Variants in DLG1 observed in about 807,000 individuals in gnomAD.
The protein encoded by DLG1 is discs large MAGUK scaffold protein 1.
Under a neutral mutation model 123.4 loss-of-function variants are expected in DLG1, and 42 were observed. The ratio of observed to expected loss-of-function variants is 0.34; its 90% CI spans 0.27 to 0.44. DLG1 has a LOEUF of 0.44. Among genes scored for constraint, DLG1 ranks in the 20% least tolerant of loss-of-function variants. DLG1 has a pLI of 1.00. For synonymous variants in DLG1, 317 were observed against 356.2 expected (o/e 0.89, Z 1.24); for missense variants, 942 against 1,082.6 (o/e 0.87, Z 1.82).
intron 4 of DLG1, among the ~76,000 whole-genome samples, chr3:197,256,474 C>T (rs767588394): frequency 2.0e-5 from 3 of 152,228 alleles, no homozygotes; most frequent in Non-Finnish European, 4.4e-5. Context: ...TCTTTAAAAC[C>T]GTCTCTTCTA....
At chr3:197,273,231 T>C (rs893068419) in intron 4 of DLG1, among the ~76,000 whole-genome samples, 2 of 150,848 alleles carry the variant, frequency 1.3e-5, no homozygotes, top group African/African-American at 4.9e-5. Flanking sequence ...TATATATATA[T>C]ATTTTTTTCT....
chr3:197,121,681 G>T (rs1389824018), intron 11 of DLG1, among the ~76,000 whole-genome samples: 1 of 151,408 alleles, frequency 6.6e-6, no homozygotes, highest in Non-Finnish European at 1.5e-5. Flanking sequence ...TAACTTCTAT[G>T]ATCTTCCCTA....
intron 8 of DLG1, 102 bp downstream of exon 8, chr3:197,140,038 A>G (rs1787199978): frequency 1.5e-6 from 2 of 1,320,982 alleles, no homozygotes; most frequent in East Asian, 2.3e-5. Context: ...TATGCTAGTT[A>G]TCATGATCGT....
chr3:197,097,580 C>CTTT (rs3051908), intron 14 of DLG1, among the ~76,000 whole-genome samples: 1,671 of 122,764 alleles, frequency 0.014, 99 homozygotes, highest in Admixed American at 0.094. Flanking sequence ...TTTGTACTTT[C>CTTT]TTTTTTTTTT....
chr3:197,276,867 A>C (rs1766679089), intron 4 of DLG1, among the ~76,000 whole-genome samples: 1 of 151,892 alleles, frequency 6.6e-6, no homozygotes, highest in African/African-American at 2.4e-5. Flanking sequence ...TAAAAATCAA[A>C]ATTTTTATTT....
intron 4 of DLG1, among the ~76,000 whole-genome samples, chr3:197,259,166 TAG>T (rs992733172): frequency 6.6e-6 from 1 of 152,054 alleles, no homozygotes; most frequent in African/African-American, 2.4e-5. Flanking sequence ...GAAAAAAATT[TAG>T]AGAGGGAAAA....
chr3:197,180,039 C>T (rs952629555), intron 5 of DLG1, among the ~76,000 whole-genome samples: 5 of 120,382 alleles, frequency 4.2e-5, no homozygotes, highest in African/African-American at 1.3e-4. Flanking sequence ...CTGCTCTCAG[C>T]TTAATTTGGC....
At position 197,278,904 on chromosome 3, in the gene DLG1, T is replaced by C. The variant is rs148528508; in HGVS notation, c.318+3775A>G. 5.1e-4 allele frequency among the ~76,000 whole-genome samples: 77 copies of C among 152,354 alleles called. No individual in the cohort carries two copies. In the East Asian group the frequency reaches 9.6e-3, roughly 19 times the overall value. ...GCAAACATGAAGTCAAAGAGGCATG[T>C]TGCATGCAATTTTGTTGGAAAAGAT... On this transcript the variant is annotated intron_variant, in intron 4 of 24. Transcript: ENST00000667157.
rs1354664624 is a variant in DLG1 at position 197,208,295 on chromosome 3, T to A, written c.319-13706A>T. 1.4e-5 allele frequency among the ~76,000 whole-genome samples: 2 copies of A among 146,752 alleles called. 1 individual carries two copies. The highest frequency in any genetic ancestry group is 4.9e-5 in the African/African-American group (2 of 41,200). On this transcript the variant is annotated intron_variant, in intron 4 of 24. Coordinates refer to ENST00000667157, the MANE Select transcript of DLG1 (RefSeq NM_001366207.1). ...GACATAGGAAAAACAGGCACTTTCA[T>A]ACGAATCTGTGGAGTGTACACTGGT...
intron 4 of DLG1, among the ~76,000 whole-genome samples, chr3:197,279,951 A>G (rs1036514979): frequency 1.3e-5 from 2 of 152,238 alleles, no homozygotes; most frequent in African/African-American, 4.8e-5. Context: ...CAGGGTATTT[A>G]GAATATCCAT....
chr3:197,159,313 G>A (rs1185541253), intron 5 of DLG1, among the ~76,000 whole-genome samples: 6 of 152,156 alleles, frequency 3.9e-5, no homozygotes, highest in Non-Finnish European at 8.8e-5. Flanking sequence ...GTATAAAAGT[G>A]TTCTACAAAT....
chr3:197,288,743 A>AAAAATACATACATAC (rs1553827364), intron 3 of DLG1, among the ~76,000 whole-genome samples: 4 of 72,080 alleles, frequency 5.5e-5, no homozygotes, highest in Non-Finnish European at 9.7e-5. Context: ...AAAAAAAAAA[A>AAAAATACATACATAC]ATACATACAT....
At chr3:197,126,100 ATAT>A (rs1175179630) in intron 11 of DLG1, among the ~76,000 whole-genome samples, 4 of 152,228 alleles carry the variant, frequency 2.6e-5, no homozygotes, top group Non-Finnish European at 4.4e-5. Flanking sequence ...TGGAAGCAAA[ATAT>A]TATGATCAAG....
intron 4 of DLG1, among the ~76,000 whole-genome samples, chr3:197,213,545 C>CA (rs1435911903): frequency 6.6e-6 from 1 of 152,060 alleles, no homozygotes; most frequent in Non-Finnish European, 1.5e-5. Context: ...AGACACAGCT[C>CA]AATGAATGTA....
chr3:197,293,532 A>T lies in DLG1; in HGVS notation c.151+2814T>A, dbSNP rs996044270. On this transcript the variant is annotated intron_variant, in intron 3 of 24. Transcript: ENST00000667157. The stretch of plus-strand genomic sequence containing the variant: ...ACAGTTGGTATTTTAGAACAAATAT[A>T]ATACAGTACGTACATGCTTGTCCCT... Among the ~76,000 whole-genome samples the T allele has an allele frequency of 1.2e-4, 19 of 152,324 alleles. No homozygotes were observed. In the East Asian group the frequency reaches 1.4e-3, roughly 11 times the overall value.
chr3:197,161,812 CATAAAG>C (rs1265021399), intron 5 of DLG1: 13 of 895,244 alleles, frequency 1.5e-5, no homozygotes, highest in Middle Eastern at 4.3e-4. Context: ...AAAGCTGTGC[CATAAAG>C]ATAAATTATA....
chr3:197,056,127 A>G (rs756751805), intron 23 of DLG1, among the ~76,000 whole-genome samples: 7 of 152,196 alleles, frequency 4.6e-5, no homozygotes, highest in Non-Finnish European at 1.0e-4. Context: ...TAGACTTCAG[A>G]GTTCCCAACC....
At chr3:197,297,448 A>C in intron 1 of DLG1, 1 of 1,378,492 alleles carries the variant, frequency 7.3e-7, no homozygotes, top group Non-Finnish European at 9.4e-7. Flanking sequence ...GAACAGACAG[A>C]AGTCGGCTTC....
chr3:197,280,506 C>T (rs1768795986), intron 4 of DLG1, among the ~76,000 whole-genome samples: 1 of 152,084 alleles, frequency 6.6e-6, no homozygotes, highest in South Asian at 2.1e-4. Context: ...GGACAGATAC[C>T]CACTAATGGG....
Sources: gnomAD v4.1 joint callset for allele counts (sites outside exome capture counted in the v4.1 genomes callset) on GRCh38, gnomAD v4.1.1 for gene constraint, MANE v1.5 for transcripts, NCBI Gene and HGNC (gene_info 2026-07-23, HGNC 2026-07-21) for gene names.